NWD2: variants seen among roughly 807,000 people sequenced by gnomAD.
NWD2 encodes the protein NACHT and WD repeat domain containing 2, also known as NACHT and WD repeat domain-containing protein 2.
A neutral mutation model predicts 132.7 loss-of-function variants in NWD2; 37 were observed. The observed-to-expected ratio is 0.28, with a 90% CI of 0.21 to 0.37. The LOEUF (loss-of-function observed/expected upper bound fraction) is 0.37, where lower values mean the gene tolerates loss of function less well. NWD2 is among the 10% of genes least tolerant of loss of function. NWD2 has a pLI of 1.00. For missense variants in NWD2, 1,592 were observed against 2,122.4 expected, an observed-to-expected ratio of 0.75 and a Z score of 4.91; for synonymous variants, 705 against 803.0, an observed-to-expected ratio of 0.88 and a Z score of 2.06.
At chr4:37,417,552 C>CT (rs1711657499) in intron 3 of NWD2, among the ~76,000 whole-genome samples, 1 of 151,986 alleles carries the variant, frequency 6.6e-6, no homozygotes, top group Non-Finnish European at 1.5e-5. Context: ...GGGAATTCAA[C>CT]TTTATGTTAT....
intron 3 of NWD2, among the ~76,000 whole-genome samples, chr4:37,428,646 T>C (rs999061822): frequency 1.3e-5 from 2 of 152,226 alleles, no homozygotes; most frequent in African/African-American, 4.8e-5. Context: ...ATGCTGCTGG[T>C]TCCAGGTCCA....
At chr4:37,384,295 G>A (rs906315050) in intron 3 of NWD2, among the ~76,000 whole-genome samples, 5 of 152,146 alleles carry the variant, frequency 3.3e-5, no homozygotes, top group African/African-American at 1.2e-4. Context: ...CACTGCTCCT[G>A]ATACCATTGT....
intron 3 of NWD2, among the ~76,000 whole-genome samples, chr4:37,417,174 T>G (rs947043757): frequency 2.6e-5 from 4 of 152,122 alleles, no homozygotes; most frequent in Non-Finnish European, 4.4e-5. Flanking sequence ...AATTACTGGC[T>G]TAATGATGGG....
intron 1 of NWD2, among the ~76,000 whole-genome samples, chr4:37,295,560 G>A (rs530959464): frequency 1.3e-5 from 2 of 152,248 alleles, no homozygotes; most frequent in East Asian, 3.9e-4. Flanking sequence ...TTCCCTATAA[G>A]TATTTAATCA....
intron 1 of NWD2, among the ~76,000 whole-genome samples, chr4:37,313,638 A>G (rs1718897939): frequency 6.6e-6 from 1 of 150,964 alleles, no homozygotes; most frequent in Admixed American, 6.6e-5. Context: ...TGAAGATGCT[A>G]TTTATCAAGT....
At chr4:37,336,855 C>T (rs1719416344) in intron 2 of NWD2, among the ~76,000 whole-genome samples, 1 of 147,084 alleles carries the variant, frequency 6.8e-6, no homozygotes, top group Admixed American at 7.0e-5. Flanking sequence ...AGGAGAATCG[C>T]TTGAAACTGG....
chr4:37,370,295 T>A (rs1720192023), intron 3 of NWD2, among the ~76,000 whole-genome samples: 1 of 152,218 alleles, frequency 6.6e-6, no homozygotes, highest in Non-Finnish European at 1.5e-5. Flanking sequence ...AAAATATGTA[T>A]TTTTAGTAAT....
intron 1 of NWD2, among the ~76,000 whole-genome samples, chr4:37,263,416 A>G (rs989075751): frequency 7.2e-5 from 11 of 152,162 alleles, no homozygotes; most frequent in African/African-American, 2.7e-4. Flanking sequence ...CAGTAGAGCA[A>G]AGATTGCTTG....
intron 3 of NWD2, among the ~76,000 whole-genome samples, chr4:37,419,307 A>C (rs1711736417): frequency 6.6e-6 from 1 of 152,322 alleles, no homozygotes; most frequent in East Asian, 1.9e-4. Flanking sequence ...CTGGAATAAA[A>C]CCTGGGCAAT....
At chr4:37,382,998 GA>G (rs1189356838) in intron 3 of NWD2, among the ~76,000 whole-genome samples, 3 of 152,018 alleles carry the variant, frequency 2.0e-5, no homozygotes, top group African/African-American at 7.2e-5. Flanking sequence ...CCGGCCGCCT[GA>G]AAAAAACTCC....
intron 1 of NWD2, among the ~76,000 whole-genome samples, chr4:37,245,959 C>G (rs1225602401): frequency 2.6e-5 from 4 of 152,200 alleles, no homozygotes; most frequent in Admixed American, 2.6e-4. Context: ...AGGTTGAACG[C>G]TGGGCGGTCA....
chr4:37,375,471 A>G (rs190702260), intron 3 of NWD2, among the ~76,000 whole-genome samples: 151 of 152,292 alleles, frequency 9.9e-4, no homozygotes, highest in African/African-American at 3.5e-3. Context: ...TTCCTGATGA[A>G]GAGACTGACA....
intron 1 of NWD2, among the ~76,000 whole-genome samples, chr4:37,315,280 G>T (rs191559677): frequency 1.3e-5 from 2 of 152,062 alleles, no homozygotes; most frequent in African/African-American, 4.8e-5. Context: ...TTCTATAAAT[G>T]TCAGGTTAAA....
chr4:37,298,249 CGT>C (rs1718540153), intron 1 of NWD2, among the ~76,000 whole-genome samples: 1 of 152,140 alleles, frequency 6.6e-6, no homozygotes, highest in African/African-American at 2.4e-5. Flanking sequence ...AGCAATCACT[CGT>C]GCCATGAGAG....
intron 6 of NWD2, among the ~76,000 whole-genome samples, chr4:37,441,527 A>G (rs1442427664): frequency 6.6e-6 from 1 of 152,230 alleles, no homozygotes; most frequent in Non-Finnish European, 1.5e-5. Flanking sequence ...ACAAGAGGTC[A>G]AGACTTATGT....
intron 3 of NWD2, among the ~76,000 whole-genome samples, chr4:37,386,039 G>T (rs1355050772): frequency 6.6e-6 from 1 of 152,240 alleles, no homozygotes; most frequent in East Asian, 1.9e-4. Flanking sequence ...CACTACCAAG[G>T]TGGTTGCCAC....
intron 3 of NWD2, among the ~76,000 whole-genome samples, chr4:37,375,440 A>G (rs901619715): frequency 2.0e-5 from 3 of 152,148 alleles, no homozygotes; most frequent in African/African-American, 7.2e-5. Context: ...TGCCATAGGC[A>G]TTATTGTTGT....
chr4:37,315,536 G>T (rs1718938787), intron 1 of NWD2, among the ~76,000 whole-genome samples: 1 of 151,664 alleles, frequency 6.6e-6, no homozygotes, highest in Non-Finnish European at 1.5e-5. Flanking sequence ...TCTGATTTTG[G>T]TTTACTGCAT....
At position 37,439,472 on chromosome 4, in the gene NWD2, T is replaced by A; in HGVS notation, c.1296+82T>A. On this transcript the variant is annotated intron_variant, in intron 6 of 6. Coordinates refer to ENST00000309447, the MANE Select transcript of NWD2 (RefSeq NM_001144990.2). The surrounding 1 kb of genome is among the most constrained non-coding windows in gnomAD (Gnocchi z 4.5). ...GTAAATTAATCAAATTCATTTCTAC[T>A]TTCTGAGTTTACTATGTGAATTATA... 1 of 977,678 alleles carries A rather than the reference T, an allele frequency of 1.0e-6. No homozygotes were observed. Among genetic ancestry groups the A allele is most frequent in the Non-Finnish European group, 1.4e-6 (1 of 690,384 alleles). The allele number at this position is 977,678 out of a possible 1,614,324, so 60.6% of individuals were successfully genotyped here.
Sources: gnomAD v4.1 joint callset for allele counts (sites outside exome capture counted in the v4.1 genomes callset) on GRCh38, gnomAD v4.1.1 for gene constraint, Gnocchi (gnomAD v3.1) non-coding constraint, MANE v1.5 for transcripts, NCBI Gene and HGNC (gene_info 2026-07-23, HGNC 2026-07-21) for gene names.